The following ITGB3BP variants were observed in gnomAD, a reference collection of about 807,000 sequenced individuals.
ITGB3BP encodes the protein centromere protein R.
Under a neutral mutation model 29.1 loss-of-function variants are expected in ITGB3BP, and 27 were observed. The ratio of observed to expected loss-of-function variants is 0.93; its 90% CI spans 0.68 to 1.28. The LOEUF (loss-of-function observed/expected upper bound fraction) is 1.28, where lower values mean the gene tolerates loss of function less well. Ranked by LOEUF, ITGB3BP falls within the 50% of genes most tolerant of loss-of-function variation. The pLI is 0.00. For synonymous variants in ITGB3BP, 61 were observed against 61.4 expected (o/e 0.99, Z 0.03); for missense variants, 192 against 200.2 (o/e 0.96, Z 0.25).
intron 8 of ITGB3BP, among the ~76,000 whole-genome samples, chr1:63,444,748 G>A (rs1644770818): frequency 6.6e-6 from 1 of 151,258 alleles, no homozygotes; most frequent in South Asian, 2.1e-4. Context: ...TTGGCCAGTA[G>A]TGAAACCTGA....
intron 4 of ITGB3BP, among the ~76,000 whole-genome samples, chr1:63,473,275 C>G (rs1570186052): frequency 1.3e-5 from 2 of 151,700 alleles, no homozygotes; most frequent in Middle Eastern, 6.9e-3. Flanking sequence ...GCCCCTCTGT[C>G]CGGCAGCCAC....
chr1:63,490,040 C>T (rs760889609), intron 3 of ITGB3BP, 43 bp downstream of exon 3: 62 of 1,562,556 alleles, frequency 4.0e-5, no homozygotes, highest in Non-Finnish European at 5.4e-5. Context: ...TGGCCAATAA[C>T]TAGAAAAACC....
intron 4 of ITGB3BP, among the ~76,000 whole-genome samples, chr1:63,465,173 A>C (rs184861587): frequency 1.1e-4 from 16 of 152,322 alleles, no homozygotes; most frequent in Admixed American, 9.8e-4. Context: ...GGATGTCTGC[A>C]ACTTCTCAAA....
intron 4 of ITGB3BP, among the ~76,000 whole-genome samples, chr1:63,458,886 C>T (rs1014284894): frequency 6.6e-6 from 1 of 152,110 alleles, no homozygotes; most frequent in Non-Finnish European, 1.5e-5. Flanking sequence ...GTATGCCCAT[C>T]CTGCAGTTTT....
intron 4 of ITGB3BP, among the ~76,000 whole-genome samples, chr1:63,456,168 G>A (rs1490955173): frequency 1.3e-5 from 2 of 151,740 alleles, no homozygotes; most frequent in Non-Finnish European, 2.9e-5. Context: ...TGACATTTTT[G>A]TTATTAAAAA....
chr1:63,486,723 G>C (rs1302345286), intron 3 of ITGB3BP, among the ~76,000 whole-genome samples: 2 of 151,984 alleles, frequency 1.3e-5, no homozygotes, highest in Non-Finnish European at 2.9e-5. Flanking sequence ...AGCATCACTA[G>C]TGGCACTTTA....
At chr1:63,497,620 GC>G (rs1415408242) in intron 2 of ITGB3BP, among the ~76,000 whole-genome samples, 12 of 152,178 alleles carry the variant, frequency 7.9e-5, no homozygotes, top group African/African-American at 2.9e-4. Flanking sequence ...TTATATAGGT[GC>G]AAAAAATGTA....
intron 2 of ITGB3BP, among the ~76,000 whole-genome samples, chr1:63,494,670 G>A (rs758811839): frequency 3.3e-5 from 5 of 152,038 alleles, no homozygotes; most frequent in Non-Finnish European, 5.9e-5. Flanking sequence ...ACCCTGACAA[G>A]AAAAATAAAA....
chr1:63,506,177 G>C (rs1357499727), intron 2 of ITGB3BP, among the ~76,000 whole-genome samples: 1 of 152,140 alleles, frequency 6.6e-6, no homozygotes, highest in African/African-American at 2.4e-5. Flanking sequence ...CTAAGGACTT[G>C]CTTTATGAAT....
chr1:63,460,024 A>C (rs2100530214), intron 4 of ITGB3BP, among the ~76,000 whole-genome samples: 1 of 152,188 alleles, frequency 6.6e-6, no homozygotes, highest in East Asian at 1.9e-4. Context: ...GTCAAAAAAA[A>C]AAATTCCCCC....
intron 4 of ITGB3BP, among the ~76,000 whole-genome samples, chr1:63,460,551 A>G: frequency 6.6e-6 from 1 of 152,188 alleles, no homozygotes; most frequent in East Asian, 1.9e-4. Flanking sequence ...TTTGCTGATG[A>G]ACATTTGGGT....
chr1:63,511,704 G>A (rs774792918), intron 1 of ITGB3BP, among the ~76,000 whole-genome samples: 4 of 152,046 alleles, frequency 2.6e-5, no homozygotes, highest in Non-Finnish European at 5.9e-5. Flanking sequence ...GACAAATATT[G>A]TATTATTCCA....
chr1:63,472,892 G>A (rs1407844768), intron 4 of ITGB3BP, among the ~76,000 whole-genome samples: 2 of 152,046 alleles, frequency 1.3e-5, no homozygotes, highest in Non-Finnish European at 2.9e-5. Context: ...CTGCCCAGCC[G>A]CCACCCCGTC....
At chr1:63,488,702 G>T (rs1645581170) in intron 3 of ITGB3BP, among the ~76,000 whole-genome samples, 1 of 151,974 alleles carries the variant, frequency 6.6e-6, no homozygotes, top group Admixed American at 6.6e-5. Flanking sequence ...TTCTATATGT[G>T]AGATATATAT....
chr1:63,461,316 G>A (rs1645015656), intron 4 of ITGB3BP, among the ~76,000 whole-genome samples: 1 of 145,640 alleles, frequency 6.9e-6, no homozygotes, highest in South Asian at 2.2e-4. Flanking sequence ...AAATTGGATT[G>A]TCTTTTTTCT....
intron 7 of ITGB3BP, chr1:63,451,731 A>G (rs2100492398): frequency 6.6e-6 from 1 of 152,180 alleles, no homozygotes; most frequent in South Asian, 2.1e-4. Flanking sequence ...ATTACAACAA[A>G]AATAAGCTTT....
intron 4 of ITGB3BP, among the ~76,000 whole-genome samples, chr1:63,466,940 T>C (rs1645109067): frequency 6.6e-6 from 1 of 152,172 alleles, no homozygotes; most frequent in Non-Finnish European, 1.5e-5. Flanking sequence ...TCCAAGGCCA[T>C]GGCTCTTTCG....
At chr1:63,471,775 G>A (rs1570178283) in intron 4 of ITGB3BP, among the ~76,000 whole-genome samples, 2 of 151,956 alleles carry the variant, frequency 1.3e-5, no homozygotes, top group South Asian at 4.2e-4. Flanking sequence ...TTAGATTGTG[G>A]AATATCTTTA....
chr1:63,522,400 G>C (rs1197655971), intron 1 of ITGB3BP, among the ~76,000 whole-genome samples: 1 of 152,144 alleles, frequency 6.6e-6, no homozygotes. Flanking sequence ...GGACAAGGAC[G>C]GCCAAGGAGA....
Sources: gnomAD v4.1 joint callset for allele counts (sites outside exome capture counted in the v4.1 genomes callset) on GRCh38, gnomAD v4.1.1 for gene constraint, MANE v1.5 for transcripts, NCBI Gene and HGNC (gene_info 2026-07-23, HGNC 2026-07-21) for gene names.